Variants in NAPSA observed in about 807,000 individuals in gnomAD.
NAPSA encodes the protein napsin A aspartic peptidase, also known as napsin-A.
Under a neutral mutation model 36.7 loss-of-function variants are expected in NAPSA, and 37 were observed. The observed-to-expected ratio is 1.01, with a 90% CI of 0.78 to 1.33. NAPSA has a LOEUF of 1.33. Among genes scored for constraint, NAPSA ranks in the 40% most tolerant of loss-of-function variants. NAPSA has a pLI of 0.00. For synonymous variants in NAPSA, 222 were observed against 234.5 expected, an observed-to-expected ratio of 0.95 and a Z score of 0.49; for missense variants, 532 against 543.8, an observed-to-expected ratio of 0.98 and a Z score of 0.21.
In NAPSA at chr19:50,362,235, G is replaced by A; in HGVS notation, c.162C>T (p.Pro54=). The A allele has an allele frequency of 6.2e-7, 1 of 1,614,090 alleles. No homozygotes were observed. The highest frequency in any genetic ancestry group is 8.5e-7 in the Non-Finnish European group (1 of 1,179,992). Residue 54 remains proline (P), a synonymous_variant, in exon 2 of 9, where the codon CCC becomes CCT. Coordinates refer to ENST00000253719, the MANE Select transcript of NAPSA (RefSeq NM_004851.3). The stretch of plus-strand genomic sequence containing the variant: ...CCCCAGGGGATGGGGCCCCCAACTT[G>A]GGGAGCTCTGCTGGTTCTCTCCATC... ...LRGWREPAEL[P]KLGAPSPGDK... is the part of the protein sequence containing the mutation.
At chr19:50,359,686 AG>A in intron 6 of NAPSA, 39 bp from the exon 7 acceptor site, 3 of 1,614,182 alleles carry the variant, frequency 1.9e-6, no homozygotes, top group Non-Finnish European at 2.5e-6. Context: ...GCAGGGTCCT[AG>A]GAGTCCAGGC....
At chr19:50,361,532 C>T in intron 4 of NAPSA, 131 bp downstream of exon 4, 1 of 794,632 alleles carries the variant, frequency 1.3e-6, no homozygotes, top group Non-Finnish European at 2.1e-6. Context: ...AAAGGCAGGC[C>T]CTCCTCCCCA....
chr19:50,365,018 AAT>A (rs2037528647), intron 1 of NAPSA, among the ~76,000 whole-genome samples: 4 of 63,304 alleles, frequency 6.3e-5, no homozygotes, highest in South Asian at 1.0e-3. Context: ...AATAAATAAT[AAT>A]AATAATAATA....
Position 50,358,765 on chromosome 19 carries a change from C to T in NAPSA, c.1051G>A (p.Val351Ile). The T allele has an allele frequency of 6.2e-7, 1 of 1,611,848 alleles. No homozygotes were observed. Among genetic ancestry groups the T allele is most frequent in the Non-Finnish European group, 8.5e-7 (1 of 1,179,500 alleles). ...TGGAAACCGGACAAGCAGAGGCGGACGCCATTTCGAGTAGTCTGCAAGGCA... is the reference window on the plus strand; with the variant it reads ...TGGAAACCGGACAAGCAGAGGCGGATGCCATTTCGAGTAGTCTGCAAGGCA... Reference protein sequence around the residue: ...DYVIQTTRNGVRLCLSGFQAL... With the variant: ...DYVIQTTRNGIRLCLSGFQAL... The change falls in exon 9 of 9, where the codon GTC becomes ATC. Residue 351 changes from valine to isoleucine, a missense_variant. Around this residue, in one of 3 missense-constraint regions of NAPSA, gnomAD observed 385 missense variants for 371.5 expected, o/e 1.04. Transcript: ENST00000253719.
At chr19:50,367,471 G>A (rs990646143), upstream of NAPSA, among the ~76,000 whole-genome samples, 2 of 151,926 alleles carry the variant, frequency 1.3e-5, no homozygotes, top group African/African-American at 2.4e-5. Flanking sequence ...AGATCCAGAA[G>A]ATTTATCTGG....
At position 50,359,809 on chromosome 19, in the gene NAPSA, G is replaced by T. The variant is rs374700636; in HGVS notation, c.722C>A (p.Ala241Glu). ...GELVLGGSDPAHYIPPLTFVP... is the reference protein window; with the variant it reads ...GELVLGGSDPEHYIPPLTFVP... ...GAAGGTGAGGGGTGGGATGTAGTGT[G>T]CCGGGTCCGAGCCCCCCAGGACCAG... is the stretch of plus-strand genomic sequence containing the variant. The change falls in exon 6 of 9, where the codon GCA (alanine) becomes GAA (glutamate). Residue 241 changes from alanine (A) to glutamate (E), a missense_variant. This residue lies in a region of NAPSA where 385 missense variants were observed against 371.5 expected (regional missense o/e 1.04). Coordinates refer to ENST00000253719, the MANE Select transcript of NAPSA (RefSeq NM_004851.3). The T allele has an allele frequency of 3.7e-6, 6 of 1,614,246 alleles. No homozygotes were observed. In the South Asian group the frequency reaches 6.6e-5, roughly 18 times the overall value.
chr19:50,359,827 A>G lies in NAPSA; in HGVS notation c.704T>C (p.Leu235Pro). Reference protein sequence around the residue: ...PEEPDGGELVLGGSDPAHYIP... With the variant: ...PEEPDGGELVPGGSDPAHYIP... The stretch of plus-strand genomic sequence containing the variant: ...GTAGTGTGCCGGGTCCGAGCCCCCC[A>G]GGACCAGCTCTCCTCCATCAGGCTC... Residue 235 changes from leucine to proline, a missense_variant, in exon 6 of 9, where the codon CTG becomes CCG. Leu to Pro is a moderately conservative substitution (Grantham distance 98, BLOSUM62 -3). This residue lies in a region of NAPSA where 385 missense variants were observed against 371.5 expected (regional missense o/e 1.04). Coordinates refer to ENST00000253719, the MANE Select transcript of NAPSA (RefSeq NM_004851.3). 1 of 1,613,870 alleles carries G rather than the reference A, an allele frequency of 6.2e-7. No homozygotes were observed. Among genetic ancestry groups the G allele is most frequent in the Non-Finnish European group, 8.5e-7 (1 of 1,179,942 alleles).
upstream of NAPSA, chr19:50,365,997 C>G (rs1197049493): frequency 5.6e-6 from 1 of 177,458 alleles, no homozygotes; most frequent in Non-Finnish European, 1.2e-5. Context: ...TGGGAGAGAC[C>G]AGCAGGTATC....
chr19:50,365,866 T>C, upstream of NAPSA: 1 of 381,278 alleles, frequency 2.6e-6, no homozygotes, highest in South Asian at 4.9e-5. Flanking sequence ...GCAGTGGTGG[T>C]GGGGTCTCCT....
At chr19:50,365,165 C>G (rs1378606639) in intron 1 of NAPSA, among the ~76,000 whole-genome samples, 1 of 151,664 alleles carries the variant, frequency 6.6e-6, no homozygotes, top group Non-Finnish European at 1.5e-5. Context: ...GAAACCCCGT[C>G]TCTACTAAAA....
At chr19:50,368,695 A>G (rs1194657716), upstream of NAPSA, among the ~76,000 whole-genome samples, 1 of 151,986 alleles carries the variant, frequency 6.6e-6, no homozygotes, top group Non-Finnish European at 1.5e-5. Flanking sequence ...ACTGCACCCA[A>G]GCGCCCTTAA....
intron 1 of NAPSA, 35 bp from the exon 2 acceptor site, chr19:50,362,348 C>T (rs1414183798): frequency 1.9e-6 from 3 of 1,559,866 alleles, no homozygotes; most frequent in African/African-American, 2.8e-5. Context: ...GGAAGCTGCC[C>T]TTCTTGGAGA....
rs928696492 is a variant in NAPSA at position 50,362,060 on chromosome 19, C to T, written c.258G>A (p.Thr86=). 1.1e-5 allele frequency: 17 copies of T among 1,613,684 alleles called. No individual in the cohort carries two copies. Among genetic ancestry groups the T allele is most frequent in the African/African-American group, 9.3e-5 (7 of 74,892 alleles). Residue 86 remains threonine (T), a synonymous_variant, in exon 3 of 9, where the codon ACG becomes ACA. Coordinates refer to ENST00000253719, the MANE Select transcript of NAPSA (RefSeq NM_004851.3). ...AGGCAACAGTGAAGTTTTGTGGAGG[C>T]GTTCCCAGCCCAATTTCCCCAAAAT... ...VQYFGEIGLG[T]PPQNFTVAFD...
upstream of NAPSA, among the ~76,000 whole-genome samples, chr19:50,366,510 C>A (rs563371581): frequency 6.6e-6 from 1 of 152,180 alleles, no homozygotes; most frequent in South Asian, 2.1e-4. Context: ...ATTTTAAATT[C>A]TCTGTCGGAA....
At chr19:50,360,553 T>A (rs1438804786) in intron 5 of NAPSA, among the ~76,000 whole-genome samples, 1 of 152,180 alleles carries the variant, frequency 6.6e-6, no homozygotes, top group East Asian at 1.9e-4. Flanking sequence ...AATTCCTGAC[T>A]TCTGGTCAGT....
At position 50,361,157 on chromosome 19, in the gene NAPSA, A is replaced by G. The variant is rs373900246; in HGVS notation, c.469-17T>C. 1.2e-6 allele frequency: 2 copies of G among 1,606,078 alleles called. No homozygotes were observed. The highest frequency in any genetic ancestry group is 8.5e-7 in the Non-Finnish European group (1 of 1,174,248). On this transcript the variant is annotated splice_polypyrimidine_tract_variant and intron_variant, in intron 4 of 8. Coordinates refer to ENST00000253719, the MANE Select transcript of NAPSA (RefSeq NM_004851.3). ...TCCACCAATCTAGGGGTAGATTGAGATGTGACCAGTTACTTTTGGGAGGAC... is the reference window on the plus strand; with the variant it reads ...TCCACCAATCTAGGGGTAGATTGAGGTGTGACCAGTTACTTTTGGGAGGAC...
upstream of NAPSA, among the ~76,000 whole-genome samples, chr19:50,368,347 C>T (rs2037575840): frequency 6.6e-6 from 1 of 151,570 alleles, no homozygotes; most frequent in Non-Finnish European, 1.5e-5. Context: ...TAAAAATTAT[C>T]TGGGCGTAAT....
At chr19:50,366,805 C>T (rs1054766784), upstream of NAPSA, among the ~76,000 whole-genome samples, 9 of 150,518 alleles carry the variant, frequency 6.0e-5, no homozygotes, top group Non-Finnish European at 1.2e-4. Context: ...GTAGCTGGGA[C>T]TACAGGCACC....
upstream of NAPSA, among the ~76,000 whole-genome samples, chr19:50,368,425 G>A (rs2123626070): frequency 6.6e-6 from 1 of 152,276 alleles, no homozygotes; most frequent in South Asian, 2.1e-4. Flanking sequence ...CTAGGAGGCT[G>A]AAGCTGCAGT....
Sources: gnomAD v4.1 joint callset for allele counts (sites outside exome capture counted in the v4.1 genomes callset) on GRCh38, gnomAD v4.1.1 for gene constraint, gnomAD v4.1.1 regional missense constraint, MANE v1.5 for transcripts, NCBI Gene and HGNC (gene_info 2026-07-23, HGNC 2026-07-21) for gene names.